Variants in CAPZA2 observed in about 807,000 individuals in gnomAD.
CAPZA2 encodes the protein capping actin protein of muscle Z-line subunit alpha 2.
Under a neutral mutation model 44.0 loss-of-function variants are expected in CAPZA2, and 13 were observed. The observed-to-expected ratio is 0.30, with a 90% CI of 0.19 to 0.47. The LOEUF is 0.47. CAPZA2 is among the 20% of genes least tolerant of loss of function. The pLI, the probability that CAPZA2 is intolerant of heterozygous loss-of-function variation, is 1.00. For synonymous variants in CAPZA2, 94 were observed against 108.2 expected (o/e 0.87, Z 0.81); for missense variants, 244 against 338.6 (o/e 0.72, Z 2.19).
At chr7:116,886,529 T>C (rs1421145514) in intron 1 of CAPZA2, among the ~76,000 whole-genome samples, 1 of 152,214 alleles carries the variant, frequency 6.6e-6, no homozygotes, top group Non-Finnish European at 1.5e-5. Context: ...TCCATTATTT[T>C]TAGTTTCTAC....
rs1796431821 is a variant in CAPZA2, at chr7:116,862,668, G to A, written c.39+18G>A. 9.8e-6 allele frequency: 15 copies of A among 1,536,620 alleles called. No individual in the cohort carries two copies. The highest frequency in any genetic ancestry group is 1.3e-5 in the Non-Finnish European group (15 of 1,140,524). On this transcript the variant is annotated intron_variant, in intron 1 of 9. Transcript: ENST00000361183. ...AAGAGAAGGTAAGAGTCGCGGGGGC[G>A]ACGGCGCGGGCTGTCAGGAGCCGGC...
At chr7:116,917,152 T>A (rs1484558973) in intron 9 of CAPZA2, among the ~76,000 whole-genome samples, 2 of 152,184 alleles carry the variant, frequency 1.3e-5, no homozygotes, top group Non-Finnish European at 2.9e-5. Context: ...TAAAATAAAT[T>A]CAAAATGACA....
intron 5 of CAPZA2, among the ~76,000 whole-genome samples, chr7:116,905,148 A>G (rs1490007754): frequency 6.6e-6 from 1 of 151,702 alleles, no homozygotes. Context: ...CAAAAAAAAA[A>G]AAAAGAAAAG....
intron 1 of CAPZA2, among the ~76,000 whole-genome samples, chr7:116,863,961 C>G (rs1264841272): frequency 6.6e-6 from 1 of 151,950 alleles, no homozygotes; most frequent in Non-Finnish European, 1.5e-5. Flanking sequence ...ATCTTTTTTT[C>G]TCTTGTGTTC....
intron 1 of CAPZA2, among the ~76,000 whole-genome samples, chr7:116,886,653 C>T (rs1283541265): frequency 1.3e-5 from 2 of 152,222 alleles, no homozygotes; most frequent in African/African-American, 4.8e-5. Flanking sequence ...ATAAAAATCA[C>T]CTGGAGATGT....
intron 8 of CAPZA2, among the ~76,000 whole-genome samples, chr7:116,914,519 G>A (rs888699611): frequency 5.3e-5 from 8 of 151,744 alleles, no homozygotes; most frequent in Non-Finnish European, 1.0e-4. Flanking sequence ...TTACAGTGCA[G>A]TGTGTGAATA....
chr7:116,880,940 T>C (rs1001493534), intron 1 of CAPZA2, among the ~76,000 whole-genome samples: 3 of 148,922 alleles, frequency 2.0e-5, no homozygotes, highest in African/African-American at 7.4e-5. Flanking sequence ...AACCCCTGAG[T>C]TCAGGCAATC....
chr7:116,909,510 A>G (rs1791558561), intron 6 of CAPZA2, among the ~76,000 whole-genome samples: 1 of 152,164 alleles, frequency 6.6e-6, no homozygotes, highest in South Asian at 2.1e-4. Context: ...TTGTATACCA[A>G]AAATCATTTC....
chr7:116,890,858 AT>A (rs1796838296), intron 2 of CAPZA2, among the ~76,000 whole-genome samples: 1 of 149,782 alleles, frequency 6.7e-6, no homozygotes, highest in African/African-American at 2.4e-5. Flanking sequence ...ATTATTTTCT[AT>A]TTTTATTGAA....
chr7:116,885,088 T>G (rs1400970326), intron 1 of CAPZA2, among the ~76,000 whole-genome samples: 1 of 152,226 alleles, frequency 6.6e-6, no homozygotes, highest in East Asian at 1.9e-4. Flanking sequence ...GTTTTCTTAC[T>G]TTTGGAGTCT....
intron 2 of CAPZA2, among the ~76,000 whole-genome samples, chr7:116,890,777 CAAAAAAAAAAA>C (rs576504004): frequency 5.6e-5 from 3 of 53,434 alleles, no homozygotes; most frequent in South Asian, 1.2e-3. Flanking sequence ...GACTCTGTCT[CAAAAAAAAAAA>C]AAAAAAAAAA....
chr7:116,901,624 A>G (rs770304443), intron 4 of CAPZA2, among the ~76,000 whole-genome samples: 2 of 152,152 alleles, frequency 1.3e-5, no homozygotes, highest in Non-Finnish European at 1.5e-5. Context: ...AAGTTTACCT[A>G]TATAATAAAC....
chr7:116,893,157 G>C, intron 3 of CAPZA2, 112 bp downstream of exon 3: 1 of 564,230 alleles, frequency 1.8e-6, no homozygotes, highest in South Asian at 2.7e-5. Context: ...TTGAGATGGA[G>C]TCTCACTCTG....
At chr7:116,862,732 G>A (rs1796432937) in intron 1 of CAPZA2, 82 bp downstream of exon 1, 2 of 1,429,784 alleles carry the variant, frequency 1.4e-6, no homozygotes, top group South Asian at 2.5e-5. Context: ...GGTCGCGGGG[G>A]AAGGGCATTG....
chr7:116,893,407 G>C (rs1365314551), intron 3 of CAPZA2, among the ~76,000 whole-genome samples: 1 of 152,194 alleles, frequency 6.6e-6, no homozygotes, highest in African/African-American at 2.4e-5. Flanking sequence ...GGGATTACAG[G>C]CGTGAGCCAC....
chr7:116,863,613 G>C (rs1242805301), intron 1 of CAPZA2, among the ~76,000 whole-genome samples: 1 of 152,164 alleles, frequency 6.6e-6, no homozygotes, highest in African/African-American at 2.4e-5. Context: ...CGAGGGTGGT[G>C]GGGTAGGGGA....
chr7:116,876,843 G>T (rs139104818), intron 1 of CAPZA2, among the ~76,000 whole-genome samples: 54 of 152,342 alleles, frequency 3.5e-4, no homozygotes, highest in African/African-American at 1.3e-3. Flanking sequence ...AGCACACCAC[G>T]CAGGCCCACA....
chr7:116,900,715 A>G (rs1796983828), intron 4 of CAPZA2, among the ~76,000 whole-genome samples: 2 of 152,132 alleles, frequency 1.3e-5, no homozygotes, highest in Admixed American at 1.3e-4. Flanking sequence ...GATACTATCA[A>G]CAGAGTAAAC....
chr7:116,864,578 A>G (rs1190724141), intron 1 of CAPZA2, among the ~76,000 whole-genome samples: 1 of 152,206 alleles, frequency 6.6e-6, no homozygotes, highest in African/African-American at 2.4e-5. Flanking sequence ...GTTAAATTCA[A>G]GTAACCAGTA....
Sources: gnomAD v4.1 joint callset for allele counts (sites outside exome capture counted in the v4.1 genomes callset) on GRCh38, gnomAD v4.1.1 for gene constraint, MANE v1.5 for transcripts, NCBI Gene and HGNC (gene_info 2026-07-23, HGNC 2026-07-21) for gene names.